The following MAN1C1 variants were observed in gnomAD, a reference collection of about 807,000 sequenced individuals.
MAN1C1 encodes the protein mannosyl-oligosaccharide 1,2-alpha-mannosidase IC.
In MAN1C1, 49 loss-of-function variants were observed where a neutral mutation model predicts 71.5. That is an observed-to-expected ratio of 0.69 (90% CI 0.54 to 0.87). MAN1C1 has a LOEUF of 0.87. Ranked by LOEUF, MAN1C1 falls within the 40% of genes least tolerant of loss-of-function variation. The probability of loss-of-function intolerance (pLI) is 0.00; values close to 1 mark genes in which losing one functional copy is unlikely to be tolerated. For synonymous variants in MAN1C1, 352 were observed against 343.7 expected (o/e 1.02, Z -0.27); for missense variants, 743 against 835.0 (o/e 0.89, Z 1.36).
chr1:25,772,572 G>A (rs1308806730), intron 8 of MAN1C1, among the ~76,000 whole-genome samples: 1 of 151,998 alleles, frequency 6.6e-6, no homozygotes, highest in Non-Finnish European at 1.5e-5. Context: ...AGCAAGTTGA[G>A]CAAGTCGGAT....
rs184582756 is a variant in MAN1C1, at chr1:25,634,752, G to A, written c.540+16415G>A. ...CGAGAATTGCTTGAACTAGGGAGGC[G>A]GAGGTTGCAGTAAGTCGAGATTGTG... On this transcript the variant is annotated intron_variant, in intron 1 of 11. Transcript: ENST00000374332. This position sits in a 1 kb window ranked among gnomAD's most constrained non-coding sequence, Gnocchi z 4.6. Among the ~76,000 whole-genome samples the A allele has an allele frequency of 3.8e-4, 58 of 152,164 alleles. No individual in the cohort carries two copies. Among genetic ancestry groups the A allele is most frequent in the African/African-American group, 6.7e-4 (28 of 41,498 alleles).
intron 1 of MAN1C1, among the ~76,000 whole-genome samples, chr1:25,651,879 A>T (rs1428977293): frequency 6.6e-6 from 1 of 152,230 alleles, no homozygotes; most frequent in African/African-American, 2.4e-5. Flanking sequence ...GTCCTGTTCC[A>T]TGTAGGGTGT....
At chr1:25,665,484 C>T (rs778889375) in intron 1 of MAN1C1, among the ~76,000 whole-genome samples, 2 of 152,148 alleles carry the variant, frequency 1.3e-5, no homozygotes, top group Admixed American at 6.5e-5. Context: ...GACGGAAAAA[C>T]GCTTCCAAAT....
At chr1:25,728,444 T>G (rs2046864358) in intron 2 of MAN1C1, among the ~76,000 whole-genome samples, 1 of 152,184 alleles carries the variant, frequency 6.6e-6, no homozygotes, top group African/African-American at 2.4e-5. Context: ...TCAAGGTCAT[T>G]CTGCCTGGTG....
intron 1 of MAN1C1, among the ~76,000 whole-genome samples, chr1:25,653,528 A>G (rs1323097801): frequency 6.6e-6 from 1 of 152,146 alleles, no homozygotes; most frequent in African/African-American, 2.4e-5. Flanking sequence ...ACCCTGGAGG[A>G]GGACCTCTGG....
intron 7 of MAN1C1, among the ~76,000 whole-genome samples, chr1:25,770,706 C>T (rs1253993471): frequency 6.6e-6 from 1 of 151,964 alleles, no homozygotes; most frequent in Non-Finnish European, 1.5e-5. Flanking sequence ...TTCTGTCCCT[C>T]TTCCCCCCGC....
chr1:25,740,278 A>G (rs1210053829), intron 2 of MAN1C1, among the ~76,000 whole-genome samples: 1 of 152,082 alleles, frequency 6.6e-6, no homozygotes, highest in Non-Finnish European at 1.5e-5. Context: ...CGTGCAGCCA[A>G]AGTGGAGGAG....
intron 1 of MAN1C1, among the ~76,000 whole-genome samples, chr1:25,620,995 C>G (rs965406739): frequency 6.6e-6 from 1 of 152,194 alleles, no homozygotes. Context: ...GAGAGGAGAC[C>G]CACAGAACAT....
rs548684576 is a variant in MAN1C1, at chr1:25,781,944, A to G, written c.1651-641A>G. 1.5e-4 allele frequency among the ~76,000 whole-genome samples: 23 copies of G among 152,338 alleles called. No individual in the cohort carries two copies. In the South Asian group the frequency reaches 4.6e-3, roughly 30 times the overall value. ...AGAAAAATACAAAAATTATCCAGGC[A>G]TGGTGACGCACGCCTATAGTCCCAG... On this transcript the variant is annotated intron_variant, in intron 10 of 11. Coordinates refer to ENST00000374332, the MANE Select transcript of MAN1C1 (RefSeq NM_020379.4).
chr1:25,620,579 G>A (rs2045192510), intron 1 of MAN1C1, among the ~76,000 whole-genome samples: 1 of 152,180 alleles, frequency 6.6e-6, no homozygotes, highest in Non-Finnish European at 1.5e-5. Flanking sequence ...ATGCCCAGGG[G>A]TAGATCATTT....
At chr1:25,657,397 G>A (rs1011456041) in intron 1 of MAN1C1, among the ~76,000 whole-genome samples, 16 of 152,250 alleles carry the variant, frequency 1.1e-4, no homozygotes, top group African/African-American at 2.9e-4. Flanking sequence ...GGTGCTTGAT[G>A]TAGGGGGAAA....
intron 9 of MAN1C1, 170 bp from the exon 10 acceptor site, chr1:25,780,770 G>A: frequency 1.6e-6 from 1 of 640,360 alleles, no homozygotes; most frequent in Admixed American, 2.8e-5. Flanking sequence ...GGGAAGCTGT[G>A]CATCTGCCCG....
At chr1:25,620,285 G>A (rs1038929335) in intron 1 of MAN1C1, among the ~76,000 whole-genome samples, 8 of 152,132 alleles carry the variant, frequency 5.3e-5, no homozygotes, top group Admixed American at 5.2e-4. Context: ...TTGCACCCCT[G>A]GTACTAGCTG....
intron 2 of MAN1C1, among the ~76,000 whole-genome samples, chr1:25,697,830 C>T (rs1226474451): frequency 2.0e-5 from 3 of 151,906 alleles, no homozygotes; most frequent in Non-Finnish European, 4.4e-5. Flanking sequence ...TTAACCAATT[C>T]GTAGTTCTGC....
intron 5 of MAN1C1, among the ~76,000 whole-genome samples, chr1:25,756,309 T>C (rs1242764705): frequency 2.0e-5 from 3 of 152,114 alleles, no homozygotes; most frequent in Non-Finnish European, 4.4e-5. Flanking sequence ...GAAGCCACCA[T>C]TGGAAGCTGG....
Position 25,782,839 on chromosome 1 carries a change from G to A in MAN1C1, c.1766+139G>A. ...GGGTGAAGGGCTTGGGATCCAGAGG[G>A]CTGCACCCCAGGTGTGAGCCTTGGG... On this transcript the variant is annotated intron_variant, in intron 11 of 11. Coordinates refer to ENST00000374332, the MANE Select transcript of MAN1C1 (RefSeq NM_020379.4). The surrounding 1 kb of genome is among the most constrained non-coding windows in gnomAD (Gnocchi z 4.4). 1 of 645,052 alleles carries A rather than the reference G, an allele frequency of 1.6e-6. No homozygotes were observed. The highest frequency in any genetic ancestry group is 2.8e-5 in the East Asian group (1 of 35,498). The allele number at this position is 645,052 out of a possible 1,614,324, so 40.0% of individuals were successfully genotyped here.
Position 25,745,527 on chromosome 1 carries a change from AAAAGAAAG to A in MAN1C1, c.638-1125_638-1118del, listed in dbSNP as rs536697287. On this transcript the variant is annotated intron_variant, in intron 2 of 11. Transcript: ENST00000374332. ...TTTTTTCTTATTTGCAATTTACTTAAAAAGAAAGAAAGAAAGAAAGAAAAAGATCCCGT... is the reference window on the plus strand; with the variant it reads ...TTTTTTCTTATTTGCAATTTACTTAAAAAGAAAGAAAGAAAAAGATCCCGT... Among the ~76,000 whole-genome samples, 5 of 152,114 alleles carry A rather than the reference AAAAGAAAG, an allele frequency of 3.3e-5. No individual in the cohort carries two copies. In the East Asian group the frequency reaches 5.8e-4, roughly 18 times the overall value.
intron 1 of MAN1C1, among the ~76,000 whole-genome samples, chr1:25,632,458 TA>T (rs1307057435): frequency 3.9e-5 from 6 of 152,178 alleles, no homozygotes; most frequent in African/African-American, 1.4e-4. Context: ...ACCAGCTTTT[TA>T]TTTCATCTTT....
intron 1 of MAN1C1, among the ~76,000 whole-genome samples, chr1:25,660,165 G>T (rs1382279730): frequency 2.0e-5 from 3 of 152,116 alleles, no homozygotes; most frequent in Non-Finnish European, 4.4e-5. Context: ...ACTTTGGGAG[G>T]CCAAGGTGGG....
Sources: gnomAD v4.1 joint callset for allele counts (sites outside exome capture counted in the v4.1 genomes callset) on GRCh38, gnomAD v4.1.1 for gene constraint, Gnocchi (gnomAD v3.1) non-coding constraint, MANE v1.5 for transcripts, NCBI Gene and HGNC (gene_info 2026-07-23, HGNC 2026-07-21) for gene names.